SNX6: variants seen among roughly 807,000 people sequenced by gnomAD.
The protein encoded by SNX6 is sorting nexin-6.
In SNX6, 34 loss-of-function variants were observed where a neutral mutation model predicts 63.0. The observed-to-expected ratio is 0.54, with a 90% CI of 0.41 to 0.72. The LOEUF (loss-of-function observed/expected upper bound fraction) is 0.72, where lower values mean the gene tolerates loss of function less well. Among genes scored for constraint, SNX6 ranks in the 30% least tolerant of loss-of-function variants. The pLI, the probability that SNX6 is intolerant of heterozygous loss-of-function variation, is 0.00. For synonymous variants in SNX6, 170 were observed against 164.2 expected (o/e 1.04, Z -0.27); for missense variants, 398 against 471.4 (o/e 0.84, Z 1.44).
At chr14:34,569,088 G>T in intron 11 of SNX6, 1 of 1,026,054 alleles carries the variant, frequency 9.7e-7, no homozygotes, top group Non-Finnish European at 1.5e-6. Context: ...GAGCTCTGAT[G>T]AACTCCTGCT....
At chr14:34,625,203 C>T (rs1303219273) in intron 2 of SNX6, among the ~76,000 whole-genome samples, 1 of 152,170 alleles carries the variant, frequency 6.6e-6, no homozygotes, top group East Asian at 1.9e-4. Flanking sequence ...GAGTGAGCCA[C>T]TGTGACCAGC....
At chr14:34,627,404 A>G (rs12431530) in intron 2 of SNX6, among the ~76,000 whole-genome samples, 110,010 of 151,952 alleles carry the variant, frequency 0.72, 41,459 homozygotes, top group African/African-American at 0.93. Flanking sequence ...CCAAGATAGC[A>G]CCACTGCAGT....
intron 11 of SNX6, among the ~76,000 whole-genome samples, chr14:34,571,012 C>T (rs1262337477): frequency 6.6e-6 from 1 of 151,822 alleles, no homozygotes; most frequent in Non-Finnish European, 1.5e-5. Context: ...CGTCAGCCAC[C>T]GCACCTGGCC....
At chr14:34,596,425 C>A (rs1882600378) in intron 7 of SNX6, among the ~76,000 whole-genome samples, 1 of 151,514 alleles carries the variant, frequency 6.6e-6, no homozygotes, top group Admixed American at 6.6e-5. Flanking sequence ...TCGAGACCAG[C>A]CTGGCCAACA....
chr14:34,591,555 G>A (rs1253278959), intron 8 of SNX6, among the ~76,000 whole-genome samples: 1 of 151,954 alleles, frequency 6.6e-6, no homozygotes, highest in East Asian at 1.9e-4. Context: ...AGACGAGATC[G>A]TACCATTGCA....
intron 2 of SNX6, among the ~76,000 whole-genome samples, chr14:34,610,568 G>A (rs1883190325): frequency 6.6e-6 from 1 of 152,082 alleles, no homozygotes; most frequent in Non-Finnish European, 1.5e-5. Flanking sequence ...ACATATTAAT[G>A]TAAAGTGCTA....
chr14:34,600,512 A>G (rs923880102), intron 6 of SNX6, among the ~76,000 whole-genome samples: 2 of 151,790 alleles, frequency 1.3e-5, no homozygotes, highest in African/African-American at 4.8e-5. Flanking sequence ...TCCTTGGCTC[A>G]AGCAATCCTC....
intron 2 of SNX6, among the ~76,000 whole-genome samples, chr14:34,616,971 A>T (rs754067994): frequency 1.8e-4 from 27 of 152,056 alleles, no homozygotes; most frequent in Non-Finnish European, 3.5e-4. Flanking sequence ...AATCCCAGCT[A>T]CTCAGGAGGC....
chr14:34,586,394 T>C (rs1338435909), intron 8 of SNX6, 89 bp from the exon 9 acceptor site: 2 of 757,376 alleles, frequency 2.6e-6, no homozygotes, highest in Non-Finnish European at 4.4e-6. Flanking sequence ...ATGTGTAATA[T>C]GAGACACTCT....
intron 10 of SNX6, among the ~76,000 whole-genome samples, chr14:34,578,429 C>T (rs1028048076): frequency 2.0e-5 from 3 of 151,144 alleles, no homozygotes; most frequent in Non-Finnish European, 3.0e-5. Context: ...GTCAGGAGTT[C>T]GAGGCCAGCC....
chr14:34,589,176 C>G (rs544580995), intron 8 of SNX6, among the ~76,000 whole-genome samples: 1 of 152,200 alleles, frequency 6.6e-6, no homozygotes, highest in African/African-American at 2.4e-5. Context: ...GATTCTAGGG[C>G]TGAGGGCGGT....
At chr14:34,568,574 T>C in intron 11 of SNX6, 1 of 580,020 alleles carries the variant, frequency 1.7e-6, no homozygotes, top group Admixed American at 2.7e-5. Flanking sequence ...GGCCTCAAAG[T>C]GATCCCCCTA....
intron 11 of SNX6, 131 bp from the exon 12 acceptor site, chr14:34,568,144 A>AT (rs35123961): frequency 0.2 from 87,899 of 450,478 alleles, 179 homozygotes; most frequent in Middle Eastern, 0.23. Context: ...AGTTACTCCA[A>AT]TTTTTTTTTT....
chr14:34,572,680 GT>G (rs1324434774), intron 11 of SNX6, among the ~76,000 whole-genome samples: 1 of 148,888 alleles, frequency 6.7e-6, no homozygotes, highest in Non-Finnish European at 1.5e-5. Context: ...TGTTTTTTTT[GT>G]TTTTTTTTGT....
At chr14:34,608,888 C>T (rs553096526) in intron 3 of SNX6, among the ~76,000 whole-genome samples, 4 of 152,046 alleles carry the variant, frequency 2.6e-5, no homozygotes, top group Admixed American at 1.3e-4. Context: ...ATTAGCCGGG[C>T]GTGGTGGCTT....
chr14:34,601,265 A>T (rs1426006778), intron 6 of SNX6, among the ~76,000 whole-genome samples: 1 of 146,698 alleles, frequency 6.8e-6, no homozygotes, highest in Non-Finnish European at 1.5e-5. Flanking sequence ...TCGCTTTGTC[A>T]CCCAGGCTGG....
intron 8 of SNX6, among the ~76,000 whole-genome samples, chr14:34,587,855 G>A (rs1882239727): frequency 6.8e-6 from 1 of 146,566 alleles, no homozygotes; most frequent in Non-Finnish European, 1.5e-5. Context: ...CTGCCACCCA[G>A]GCTGGAGTGC....
At chr14:34,567,800 T>C in intron 12 of SNX6, 29 bp from the exon 13 acceptor site, 1 of 1,611,902 alleles carries the variant, frequency 6.2e-7, no homozygotes, top group Non-Finnish European at 8.5e-7. Context: ...GATTATTTAA[T>C]TTACATAATA....
rs1328946378 is a variant in SNX6, at chr14:34,567,761, A to G, written c.1092T>C (p.Asp364=). 6.2e-7 allele frequency: 1 copy of G among 1,613,514 alleles called. No homozygotes were observed. The highest frequency in any genetic ancestry group is 1.7e-5 in the Admixed American group (1 of 59,988). Residue 364 remains aspartate (D), a synonymous_variant, in exon 13 of 14, where the codon GAT becomes GAC. Coordinates refer to ENST00000362031, the MANE Select transcript of SNX6 (RefSeq NM_152233.4). Reference sequence around the variant, plus strand: ...ATGCAGCAACTCTTCTTGTCTTAAAATCTATAAGTTCTGTGAAAAAGAAAT... The same window carrying G: ...ATGCAGCAACTCTTCTTGTCTTAAAGTCTATAAGTTCTGTGAAAAAGAAAT... ...ISESAKQELI[D]FKTRRVAAFR...
Sources: allele counts gnomAD v4.1 joint callset (sites outside exome capture counted in the v4.1 genomes callset), GRCh38; gene constraint gnomAD v4.1.1; transcripts MANE v1.5; gene names NCBI Gene and HGNC (gene_info 2026-07-23, HGNC 2026-07-21).